The following P3H2 variants were observed in gnomAD, a reference collection of about 807,000 sequenced individuals.
P3H2 encodes leprecan-like 1.
Under a neutral mutation model 87.0 loss-of-function variants are expected in P3H2, and 80 were observed. That is an observed-to-expected ratio of 0.92 (90% CI 0.77 to 1.11). P3H2 has a LOEUF of 1.11. P3H2 is among the 50% of genes least tolerant of loss of function. The pLI is 0.00. For synonymous variants in P3H2, 367 were observed against 359.3 expected, an observed-to-expected ratio of 1.02 and a Z score of -0.24; for missense variants, 1,001 against 923.9, an observed-to-expected ratio of 1.08 and a Z score of -1.08.
At chr3:190,007,638 A>G (rs1447928069) in intron 1 of P3H2, among the ~76,000 whole-genome samples, 1 of 151,960 alleles carries the variant, frequency 6.6e-6, no homozygotes, top group Admixed American at 6.6e-5. Flanking sequence ...TAGAGCAACC[A>G]AGAAGGACAG....
chr3:190,069,325 A>G (rs1037826000), intron 1 of P3H2, among the ~76,000 whole-genome samples: 1 of 152,188 alleles, frequency 6.6e-6, no homozygotes, highest in Non-Finnish European at 1.5e-5. Context: ...TTAACTGACC[A>G]ACCCCACTGA....
intron 1 of P3H2, among the ~76,000 whole-genome samples, chr3:190,002,787 T>A (rs566030272): frequency 6.6e-6 from 1 of 152,358 alleles, no homozygotes; most frequent in African/African-American, 2.4e-5. Context: ...AAAATCTAAC[T>A]ATACAAATAG....
chr3:190,041,274 TAAAAAAA>T (rs67754532), intron 1 of P3H2, among the ~76,000 whole-genome samples: 2 of 117,772 alleles, frequency 1.7e-5, no homozygotes, highest in Non-Finnish European at 3.4e-5. Context: ...TAACCTGTCT[TAAAAAAA>T]AAAAAAAAAA....
chr3:190,007,418 A>G (rs1724421755), intron 1 of P3H2, among the ~76,000 whole-genome samples: 1 of 152,122 alleles, frequency 6.6e-6, no homozygotes, highest in Non-Finnish European at 1.5e-5. Context: ...GAAATTTTTC[A>G]TTTCACTTTG....
rs79730484 is a variant in P3H2, at chr3:190,084,679, G to A, written c.480+35573C>T. Among the ~76,000 whole-genome samples, 1,054 of 152,172 alleles carry A rather than the reference G, an allele frequency of 6.9e-3. 14 individuals carry two copies. The highest frequency in any genetic ancestry group is 7.6e-3 in the Non-Finnish European group (516 of 67,984). ...TTGTATAAAAATAAACCAACTCTGCGAAATGCCTTTATTCCATTTCTTTAT... is the reference window on the plus strand; with the variant it reads ...TTGTATAAAAATAAACCAACTCTGCAAAATGCCTTTATTCCATTTCTTTAT... On this transcript the variant is annotated intron_variant, in intron 1 of 14. Coordinates refer to ENST00000319332, the MANE Select transcript of P3H2 (RefSeq NM_018192.4).
chr3:190,008,478 G>A (rs1363457206), intron 1 of P3H2, among the ~76,000 whole-genome samples: 2 of 152,130 alleles, frequency 1.3e-5, no homozygotes, highest in Admixed American at 6.5e-5. Context: ...TTGAACCACA[G>A]CCTAGAAAAA....
In P3H2 at chr3:189,964,067, A is replaced by T. The variant is rs757821033; in HGVS notation, c.1925T>A (p.Ile642Asn). The change falls in exon 14 of 15, where the codon ATC becomes AAC. Residue 642 changes from isoleucine (I) to asparagine (N), a missense_variant. Ile to Asn is a moderately radical substitution (Grantham distance 149, BLOSUM62 -3). Coordinates refer to ENST00000319332, the MANE Select transcript of P3H2 (RefSeq NM_018192.4). ...GTTCTCTCCTCCAGATGAGAAGCTG[A>T]TCATGCGCCCACATTTTGGTTTTAT... ...ASIKPKCGRM[I>N]SFSSGGENPH... 6.2e-7 allele frequency: 1 copy of T among 1,614,164 alleles called. No homozygotes were observed. Among genetic ancestry groups the T allele is most frequent in the South Asian group, 1.1e-5 (1 of 91,082 alleles).
chr3:189,991,584 T>A (rs1320368295), intron 3 of P3H2, among the ~76,000 whole-genome samples: 1 of 152,166 alleles, frequency 6.6e-6, no homozygotes, highest in East Asian at 1.9e-4. Context: ...GCACTGAAGA[T>A]TGAGCACTAA....
intron 1 of P3H2, among the ~76,000 whole-genome samples, chr3:190,048,704 C>G (rs1725882120): frequency 6.6e-6 from 1 of 152,114 alleles, no homozygotes; most frequent in African/African-American, 2.4e-5. Context: ...AGCCTTTTAA[C>G]TTTTCGGTGG....
chr3:190,041,020 C>CTATATATATATATATATATATATATATA lies in P3H2; in HGVS notation c.481-45579_481-45578insTATATATATATATATATATATATATATA, dbSNP rs71635315. 3.6e-4 allele frequency among the ~76,000 whole-genome samples: 19 copies of CTATATATATATATATATATATATATATA among 52,666 alleles called. 1 individual carries two copies. Among genetic ancestry groups the CTATATATATATATATATATATATATATA allele is most frequent in the Non-Finnish European group, 5.8e-4 (14 of 24,300 alleles). The allele number at this position is 52,666 out of a possible 152,430, so 34.6% of individuals were successfully genotyped here. ...GCAACATGGCAAAACCATGGCTCTA[C>CTATATATATATATATATATATATATATA]TATATATATATATATATACACACAC... On this transcript the variant is annotated intron_variant, in intron 1 of 14. Transcript: ENST00000319332.
Position 189,966,128 on chromosome 3 carries a change from AAAGAAAGAAAG to A in P3H2, c.1894-2041_1894-2031del, listed in dbSNP as rs1722988156. ...AAAAAAGAAAGAAAGAAAGAAAAAG[AAAGAAAGAAAG>A]AAAGAAAGAAAGAAAGAAAGAAAGA... On this transcript the variant is annotated intron_variant, in intron 13 of 14. Transcript: ENST00000319332. Among the ~76,000 whole-genome samples the A allele has an allele frequency of 8.4e-5, 3 of 35,564 alleles. 1 individual carries two copies. The South Asian group carries it at 2.8e-3, about 33-fold the overall frequency. The allele number at this position is 35,564 out of a possible 152,430, so 23.3% of individuals were successfully genotyped here.
chr3:190,090,636 G>A (rs935421866), intron 1 of P3H2, among the ~76,000 whole-genome samples: 1 of 151,984 alleles, frequency 6.6e-6, no homozygotes, highest in Non-Finnish European at 1.5e-5. Flanking sequence ...CTGGGAGGCG[G>A]AGCTTGCAGT....
rs977199585 is a variant in P3H2 at position 189,969,695 on chromosome 3, A to G, written c.1893+1121T>C. On this transcript the variant is annotated intron_variant, in intron 13 of 14. Transcript: ENST00000319332. The stretch of plus-strand genomic sequence containing the variant: ...CTGCCTCCCATGCCTTGCAAGGAGG[A>G]CACAATCAACATTTTTTATCTTCCC... 6.7e-6 allele frequency: 9 copies of G among 1,339,234 alleles called. No homozygotes were observed. In the Admixed American group the frequency reaches 1.0e-4, roughly 15 times the overall value. 83.0% of individuals were successfully genotyped at this position (1,339,234 alleles called of 1,614,324 possible).
chr3:190,119,086 C>G (rs1354551124), intron 1 of P3H2, among the ~76,000 whole-genome samples: 1 of 137,484 alleles, frequency 7.3e-6, no homozygotes, highest in Non-Finnish European at 1.5e-5. Context: ...GCCTGGGTGA[C>G]AAGAGCAAAA....
At chr3:189,979,272 A>AG (rs1188471026) in intron 8 of P3H2, among the ~76,000 whole-genome samples, 3 of 150,866 alleles carry the variant, frequency 2.0e-5, no homozygotes, top group African/African-American at 7.3e-5. Context: ...AAAACACAAA[A>AG]AAAAAATTCG....
At chr3:190,026,369 C>A (rs1415637244) in intron 1 of P3H2, among the ~76,000 whole-genome samples, 1 of 152,092 alleles carries the variant, frequency 6.6e-6, no homozygotes, top group Non-Finnish European at 1.5e-5. Context: ...CAGGATGAGA[C>A]AGAAAATCAG....
intron 1 of P3H2, among the ~76,000 whole-genome samples, chr3:190,027,941 C>T (rs1458925442): frequency 1.3e-5 from 2 of 150,042 alleles, no homozygotes; most frequent in Non-Finnish European, 3.0e-5. Flanking sequence ...GCACTCTAGC[C>T]TGGGCGACAG....
intron 1 of P3H2, among the ~76,000 whole-genome samples, chr3:190,042,458 A>G (rs1007286114): frequency 5.5e-5 from 8 of 146,194 alleles, no homozygotes; most frequent in Non-Finnish European, 9.2e-5. Flanking sequence ...GTGTGTGTGT[A>G]TGTAGAATCT....
chr3:189,969,599 T>C, intron 13 of P3H2: 1 of 1,221,670 alleles, frequency 8.2e-7, no homozygotes, highest in Non-Finnish European at 1.2e-6. Flanking sequence ...CCCTATGACA[T>C]GTGTACAGCC....
Sources: allele counts gnomAD v4.1 joint callset (sites outside exome capture counted in the v4.1 genomes callset), GRCh38; gene constraint gnomAD v4.1.1; transcripts MANE v1.5; gene names NCBI Gene and HGNC (gene_info 2026-07-23, HGNC 2026-07-21).